DDX60L: variants seen among roughly 807,000 people sequenced by gnomAD.
The protein encoded by DDX60L is probable ATP-dependent RNA helicase DDX60-like.
DDX60L carries 191 observed loss-of-function variants against 211.6 expected under a neutral mutation model. That is an observed-to-expected ratio of 0.90 (90% CI 0.80 to 1.02). The LOEUF is 1.02. Among genes scored for constraint, DDX60L ranks in the 50% least tolerant of loss-of-function variants. The pLI is 0.00. For synonymous variants in DDX60L, 706 were observed against 694.1 expected (o/e 1.02, Z -0.27); for missense variants, 2,007 against 1,984.1 (o/e 1.01, Z -0.22).
At chr4:168,439,914 T>TA (rs1753581072) in intron 10 of DDX60L, among the ~76,000 whole-genome samples, 1 of 152,196 alleles carries the variant, frequency 6.6e-6, no homozygotes, top group Admixed American at 6.5e-5. Context: ...GTGAAATACT[T>TA]ACGACCTATA....
intron 1 of DDX60L, among the ~76,000 whole-genome samples, chr4:168,478,120 A>AG (rs893385095): frequency 6.6e-6 from 1 of 151,970 alleles, no homozygotes; most frequent in Non-Finnish European, 1.5e-5. Context: ...GAGGAGAAGA[A>AG]GGAAGGGAGC....
At position 168,367,725 on chromosome 4, in the gene DDX60L, T is replaced by G. The variant is rs1579181427; in HGVS notation, c.4928+3887A>C. ...TGAATGGCTTTGCCCAAAATGCTGA[T>G]AGCAATATGGACAATAAAGTCCAGT... On this transcript the variant is annotated intron_variant, in intron 36 of 37. Transcript: ENST00000682922. Among the ~76,000 whole-genome samples, 6 of 152,164 alleles carry G rather than the reference T, an allele frequency of 3.9e-5. 1 individual carries two copies. The highest frequency in any genetic ancestry group is 3.9e-4 in the Admixed American group (6 of 15,282).
intron 14 of DDX60L, among the ~76,000 whole-genome samples, chr4:168,425,472 A>G (rs1487462737): frequency 1.3e-5 from 2 of 152,182 alleles, no homozygotes; most frequent in East Asian, 1.9e-4. Context: ...TCAAAATCAC[A>G]TATCTCAGGC....
chr4:168,385,123 C>T (rs116823298), intron 29 of DDX60L, among the ~76,000 whole-genome samples: 1,998 of 152,174 alleles, frequency 0.013, 22 homozygotes, highest in Middle Eastern at 0.031. Context: ...AGCTTCAGGA[C>T]GGGGACTGGT....
chr4:168,433,175 G>T, intron 10 of DDX60L, 60 bp from the exon 11 acceptor site: 3 of 1,137,764 alleles, frequency 2.6e-6, no homozygotes, highest in South Asian at 3.2e-5. Flanking sequence ...TATGAATTTT[G>T]AACATTATTT....
rs779884210 is a variant in DDX60L at position 168,461,980 on chromosome 4, G to A, written c.325C>T (p.Leu109Phe). 6 of 1,613,138 alleles carry A rather than the reference G, an allele frequency of 3.7e-6. No individual in the cohort carries two copies. The South Asian group carries it at 4.4e-5, about 12-fold the overall frequency. Reference sequence around the variant, plus strand: ...ATGTTAGTATTGTGTTGAAGGTGGAGAATTAAAGCGGTCCTCAATGAAAGA... The same window carrying A: ...ATGTTAGTATTGTGTTGAAGGTGGAAAATTAAAGCGGTCCTCAATGAAAGA... ...ELLSLRTALI[L>F]HLQHNTNIDV... Residue 109 changes from leucine (L) to phenylalanine (F), a missense_variant, in exon 5 of 38, where the codon CTC (leucine) becomes TTC (phenylalanine). Coordinates refer to ENST00000682922, the MANE Select transcript of DDX60L (RefSeq NM_001012967.3).
chr4:168,401,003 T>C, intron 25 of DDX60L, 25 bp from the exon 26 acceptor site: 2 of 1,600,456 alleles, frequency 1.2e-6, no homozygotes, highest in South Asian at 2.2e-5. Flanking sequence ...AAACAGTGCT[T>C]TGAAAAGACT....
intron 29 of DDX60L, among the ~76,000 whole-genome samples, chr4:168,386,013 GGA>G (rs143936452): frequency 0.01 from 1,576 of 151,974 alleles, 11 homozygotes; most frequent in Middle Eastern, 0.02. Flanking sequence ...AGGGAGAAGG[GGA>G]GAGAGAGAGG....
At chr4:168,437,782 C>T (rs148654257) in intron 10 of DDX60L, among the ~76,000 whole-genome samples, 300 of 152,274 alleles carry the variant, frequency 2.0e-3, no homozygotes, top group African/African-American at 6.7e-3. Flanking sequence ...GCTCTGATAA[C>T]CTGACTCTGG....
At chr4:168,436,575 G>A (rs1263165594) in intron 10 of DDX60L, among the ~76,000 whole-genome samples, 1 of 152,126 alleles carries the variant, frequency 6.6e-6, no homozygotes, top group African/African-American at 2.4e-5. Context: ...GAAGGCTGGG[G>A]CAACGTTCTC....
chr4:168,450,461 C>T (rs1755653496), intron 8 of DDX60L, among the ~76,000 whole-genome samples: 1 of 145,894 alleles, frequency 6.9e-6, no homozygotes, highest in African/African-American at 2.6e-5. Context: ...TAATAAAACT[C>T]TGGTCTCCCT....
intron 34 of DDX60L, among the ~76,000 whole-genome samples, chr4:168,374,603 C>T (rs532528144): frequency 6.6e-6 from 1 of 152,324 alleles, no homozygotes; most frequent in Admixed American, 6.5e-5. Context: ...TCTACCTCTA[C>T]TGTGTCCAAA....
intron 28 of DDX60L, among the ~76,000 whole-genome samples, chr4:168,393,701 C>T (rs1008529095): frequency 1.3e-5 from 2 of 152,192 alleles, no homozygotes; most frequent in African/African-American, 2.4e-5. Flanking sequence ...TCACATCTAT[C>T]AGCTCTGTCT....
intron 36 of DDX60L, among the ~76,000 whole-genome samples, chr4:168,362,297 T>C (rs1739247183): frequency 6.6e-6 from 1 of 151,996 alleles, no homozygotes; most frequent in East Asian, 1.9e-4. Context: ...ACACATGCAC[T>C]TGGCCCAATA....
intron 14 of DDX60L, among the ~76,000 whole-genome samples, chr4:168,426,362 T>C (rs1044561548): frequency 6.6e-6 from 1 of 152,212 alleles, no homozygotes; most frequent in Admixed American, 6.5e-5. Context: ...TCGGTTCCCC[T>C]TGTGCTCCAT....
intron 6 of DDX60L, 41 bp from the exon 7 acceptor site, chr4:168,456,193 A>G: frequency 2.3e-6 from 3 of 1,284,398 alleles, no homozygotes; most frequent in Non-Finnish European, 3.2e-6. Context: ...AATTATTTAG[A>G]AATATTCTTT....
At chr4:168,442,824 T>C (rs1439035381) in intron 9 of DDX60L, among the ~76,000 whole-genome samples, 1 of 150,888 alleles carries the variant, frequency 6.6e-6, no homozygotes, top group Non-Finnish European at 1.5e-5. Context: ...GTCCTCTCTG[T>C]TAGAAGGAAA....
chr4:168,357,928 T>G lies in DDX60L; in HGVS notation c.*219A>C. The G allele has an allele frequency of 2.3e-6, 1 of 435,454 alleles. No individual in the cohort carries two copies. The highest frequency in any genetic ancestry group is 4.1e-6 in the Non-Finnish European group (1 of 245,336). The allele number at this position is 435,454 out of a possible 1,614,324, so 27.0% of individuals were successfully genotyped here. On this transcript the variant is annotated 3_prime_UTR_variant, in exon 38 of 38. Coordinates refer to ENST00000682922, the MANE Select transcript of DDX60L (RefSeq NM_001012967.3). ...TTAATCCTCAAAACAACTAGAGGTA[T>G]TCATTTTTACTCCGGTTTTGCCAAA... is the stretch of plus-strand genomic sequence containing the variant.
chr4:168,442,479 T>G (rs1404501944), intron 9 of DDX60L, among the ~76,000 whole-genome samples: 1 of 152,142 alleles, frequency 6.6e-6, no homozygotes, highest in African/African-American at 2.4e-5. Flanking sequence ...CAGGCTTGAT[T>G]AGGTAAACAA....
Sources: gnomAD v4.1 joint callset for allele counts (sites outside exome capture counted in the v4.1 genomes callset) on GRCh38, gnomAD v4.1.1 for gene constraint, MANE v1.5 for transcripts, NCBI Gene and HGNC (gene_info 2026-07-23, HGNC 2026-07-21) for gene names.